GTPBP4: variants seen among roughly 807,000 people sequenced by gnomAD.
The protein encoded by GTPBP4 is GTP binding protein 4.
Under a neutral mutation model 81.7 loss-of-function variants are expected in GTPBP4, and 15 were observed. The ratio of observed to expected loss-of-function variants is 0.18; its 90% CI spans 0.12 to 0.28. The LOEUF (loss-of-function observed/expected upper bound fraction) is 0.28, where lower values mean the gene tolerates loss of function less well. GTPBP4 is among the 10% of genes least tolerant of loss of function. GTPBP4 has a pLI of 1.00. For missense variants in GTPBP4, 847 were observed against 793.8 expected (o/e 1.07, Z -0.81); for synonymous variants, 272 against 274.6 (o/e 0.99, Z 0.09).
chr10:997,019 G>A (rs2132158942), intron 4 of GTPBP4, 189 bp from the exon 5 acceptor site: 1 of 568,698 alleles, frequency 1.8e-6, no homozygotes, highest in Non-Finnish European at 3.1e-6. Context: ...AAACTTGGGA[G>A]ATAGCAATTG....
At position 1,015,988 on chromosome 10, in the gene GTPBP4, A is replaced by C. The variant is rs1429813568; in HGVS notation, c.1752+92A>C. The C allele has an allele frequency of 9.6e-6, 11 of 1,151,494 alleles. No individual in the cohort carries two copies. In the East Asian group the frequency reaches 2.6e-4, roughly 27 times the overall value. 71.3% of individuals were successfully genotyped at this position (1,151,494 alleles called of 1,614,324 possible). A position where few individuals can be genotyped will look rare whatever the true frequency, so the allele number is the denominator to read the frequency against. On this transcript the variant is annotated intron_variant, in intron 16 of 16. Transcript: ENST00000360803. Reference sequence around the variant, plus strand: ...GCAAACACCAGCAGTTGCCATTTGCAGGAACTATGGCAGGGGTTGTGTGTA... The same window carrying C: ...GCAAACACCAGCAGTTGCCATTTGCCGGAACTATGGCAGGGGTTGTGTGTA...
chr10:1,002,803 A>G (rs756550240), intron 8 of GTPBP4, among the ~76,000 whole-genome samples: 4 of 152,018 alleles, frequency 2.6e-5, no homozygotes, highest in Admixed American at 6.6e-5. Flanking sequence ...GGATTTTCTT[A>G]TATGTGACTT....
intron 13 of GTPBP4, among the ~76,000 whole-genome samples, chr10:1,011,733 A>G (rs1386209230): frequency 1.3e-5 from 2 of 152,212 alleles, no homozygotes; most frequent in Non-Finnish European, 2.9e-5. Flanking sequence ...GTGCTGGAGG[A>G]GTGGCCTCAG....
At chr10:1,014,529 T>G (rs1158481660) in intron 15 of GTPBP4, among the ~76,000 whole-genome samples, 1 of 151,908 alleles carries the variant, frequency 6.6e-6, no homozygotes, top group Non-Finnish European at 1.5e-5. Flanking sequence ...CGTGGTGGCG[T>G]GTGCCTGTAA....
Position 1,000,741 on chromosome 10 carries a change from C to G in GTPBP4, c.719C>G (p.Ala240Gly). 6.3e-7 allele frequency: 1 copy of G among 1,594,678 alleles called. No individual in the cohort carries two copies. Among genetic ancestry groups the G allele is most frequent in the Non-Finnish European group, 8.5e-7 (1 of 1,170,334 alleles). ...LEDRNTIEMQ[A>G]ITALAHLRAA... ...GATAGGAACACCATCGAGATGCAGG[C>G]CATCACTGCCCTGGCCCACCTCCGT... The change falls in exon 7 of 17, where the codon GCC (alanine) becomes GGC (glycine). Residue 240 changes from alanine (A) to glycine (G), a missense_variant. Ala to Gly is a moderately conservative substitution (Grantham distance 60). Transcript: ENST00000360803.
chr10:1,017,350 G>C lies in GTPBP4; in HGVS notation c.*123G>C, dbSNP rs989939152. ...AAAAGACAAAATAAGTAAAGCACTTGTTGCTTTGCTGAAAACTATGGTTAA... is the reference window on the plus strand; with the variant it reads ...AAAAGACAAAATAAGTAAAGCACTTCTTGCTTTGCTGAAAACTATGGTTAA... On this transcript the variant is annotated 3_prime_UTR_variant, in exon 17 of 17. Transcript: ENST00000360803. The C allele has an allele frequency of 3.3e-6, 3 of 921,012 alleles. No homozygotes were observed. The African/African-American group carries it at 4.9e-5, about 15-fold the overall frequency. 57.1% of individuals were successfully genotyped at this position (921,012 alleles called of 1,614,324 possible).
At chr10:993,397 T>G (rs1264162756) in intron 2 of GTPBP4, among the ~76,000 whole-genome samples, 2 of 152,124 alleles carry the variant, frequency 1.3e-5, no homozygotes, top group African/African-American at 2.4e-5. Context: ...GGATTACAGG[T>G]GCATAACCAC....
Position 1,012,658 on chromosome 10 carries a change from A to G in GTPBP4, c.1538A>G (p.Lys513Arg). 1 of 1,609,920 alleles carries G rather than the reference A, an allele frequency of 6.2e-7. No individual in the cohort carries two copies. The highest frequency in any genetic ancestry group is 1.1e-5 in the South Asian group (1 of 90,612). Residue 513 changes from lysine (K) to arginine (R), a missense_variant, in exon 14 of 17, where the codon AAG (lysine) becomes AGG (arginine). This residue lies in a region of GTPBP4 where 600 missense variants were observed against 557.1 expected (regional missense o/e 1.08). Transcript: ENST00000360803. The stretch of plus-strand genomic sequence containing the variant: ...GGACCCAGGATGCCGCGAACTGCTA[A>G]GAAGGCAAGTTTGTGTCTTTCCAAA... ...TQGPRMPRTA[K>R]KVQRTVLEKE...
At position 1,008,970 on chromosome 10, in the gene GTPBP4, T is replaced by C. The variant is rs750504358; in HGVS notation, c.1126T>C (p.Phe376Leu). 1.2e-6 allele frequency: 2 copies of C among 1,610,662 alleles called. No homozygotes were observed. The highest frequency in any genetic ancestry group is 8.5e-7 in the Non-Finnish European group (1 of 1,176,828). ...TRRDDKERPP[F>L]IPEGVVARRK... ...GGGATCTTCTCAGGAGAGGCCCCCTTTCATCCCTGAAGGAGTGGTGGCTCG... is the reference window on the plus strand; with the variant it reads ...GGGATCTTCTCAGGAGAGGCCCCCTCTCATCCCTGAAGGAGTGGTGGCTCG... The change falls in exon 11 of 17, where the codon TTC (phenylalanine) becomes CTC (leucine). Residue 376 changes from phenylalanine (F) to leucine (L), a missense_variant. Coordinates refer to ENST00000360803, the MANE Select transcript of GTPBP4 (RefSeq NM_012341.3).
At chr10:1,013,788 G>A (rs1831924142) in intron 14 of GTPBP4, among the ~76,000 whole-genome samples, 1 of 152,334 alleles carries the variant, frequency 6.6e-6, no homozygotes. Flanking sequence ...ATGCCTCTCA[G>A]TGGGTCTTCC....
At chr10:994,763 C>T (rs1831509136) in intron 2 of GTPBP4, among the ~76,000 whole-genome samples, 1 of 152,052 alleles carries the variant, frequency 6.6e-6, no homozygotes, top group South Asian at 2.1e-4. Flanking sequence ...TTTTTAAAGC[C>T]AGGACTAGTT....
At position 997,238 on chromosome 10, in the gene GTPBP4, T is replaced by C. The variant is rs1415840227; in HGVS notation, c.491T>C (p.Ile164Thr). Residue 164 changes from isoleucine (I) to threonine (T), a missense_variant, in exon 5 of 17, where the codon ATT becomes ACT. Transcript: ENST00000360803. ...CAGCATTTATCCCGTTTGCCAACCA[T>C]TGATCCGAATACCAGGACCCTGCTT... is the stretch of plus-strand genomic sequence containing the variant. The part of the protein sequence containing the change: ...VRQHLSRLPT[I>T]DPNTRTLLLC... The C allele has an allele frequency of 2.5e-6, 4 of 1,607,058 alleles. No individual in the cohort carries two copies. Among genetic ancestry groups the C allele is most frequent in the Non-Finnish European group, 3.4e-6 (4 of 1,173,604 alleles).
intron 11 of GTPBP4, 42 bp downstream of exon 11, chr10:1,009,077 G>C: frequency 6.9e-7 from 1 of 1,441,542 alleles, no homozygotes; most frequent in Non-Finnish European, 9.8e-7. Flanking sequence ...CATGGGGGGA[G>C]GCAGGCTGTG....
At chr10:1,010,256 G>A (rs946086755) in intron 12 of GTPBP4, among the ~76,000 whole-genome samples, 164 bp from the exon 13 acceptor site, 2 of 152,016 alleles carry the variant, frequency 1.3e-5, no homozygotes, top group Non-Finnish European at 2.9e-5. Flanking sequence ...TGTGGGTGTT[G>A]AATGAGGCTG....
rs556361780 is a variant in GTPBP4 at position 1,006,919 on chromosome 10, A to G, written c.1003-99A>G. The stretch of plus-strand genomic sequence containing the variant: ...CTACGTGTTAGTTACCTTGAGGGAA[A>G]AGGCTCAGTGGCTCTGATCTGTGGC... On this transcript the variant is annotated intron_variant, in intron 9 of 16. Coordinates refer to ENST00000360803, the MANE Select transcript of GTPBP4 (RefSeq NM_012341.3). 19 of 749,046 alleles carry G rather than the reference A, an allele frequency of 2.5e-5. No individual in the cohort carries two copies. The African/African-American group carries it at 3.2e-4, about 13-fold the overall frequency. The allele number at this position is 749,046 out of a possible 1,614,324, so 46.4% of individuals were successfully genotyped here. A position where few individuals can be genotyped will look rare whatever the true frequency, so the allele number is the denominator to read the frequency against.
At chr10:1,005,586 G>C (rs1831714394) in intron 8 of GTPBP4, among the ~76,000 whole-genome samples, 1 of 152,156 alleles carries the variant, frequency 6.6e-6, no homozygotes, top group African/African-American at 2.4e-5. Context: ...TTTGTTGTGG[G>C]GGACAGATGT....
At position 1,017,203 on chromosome 10, in the gene GTPBP4, A is replaced by T; in HGVS notation, c.1881A>T (p.Lys627Asn). ...AGCACTTGCTGTCTGGGAAGAGGAA[A>T]GCTGGTAAAAAGGACAGGAGATAGT... ...KPKHLLSGKR[K>N]AGKKDRR is the part of the protein sequence containing the mutation. The change falls in exon 17 of 17, where the codon AAA becomes AAT. Residue 627 changes from lysine to asparagine, a missense_variant. Lys to Asn is a moderately conservative substitution (Grantham distance 94, BLOSUM62 0). Transcript: ENST00000360803. 6.2e-7 allele frequency: 1 copy of T among 1,614,138 alleles called. No individual in the cohort carries two copies. Among genetic ancestry groups the T allele is most frequent in the Non-Finnish European group, 8.5e-7 (1 of 1,179,990 alleles).
chr10:1,007,765 C>A, intron 10 of GTPBP4: 1 of 399,474 alleles, frequency 2.5e-6, no homozygotes, highest in Non-Finnish European at 4.9e-6. Flanking sequence ...CTCTGTCTTT[C>A]CTTGTGTCCT....
In GTPBP4 at chr10:1,019,548, A is replaced by G. The variant is rs771153310; in HGVS notation, c.*2321A>G. The G allele has an allele frequency of 1.4e-5, 22 of 1,613,490 alleles. No homozygotes were observed. The highest frequency in any genetic ancestry group is 1.1e-4 in the South Asian group (10 of 91,058). On this transcript the variant is annotated 3_prime_UTR_variant, in exon 17 of 17. Coordinates refer to ENST00000360803, the MANE Select transcript of GTPBP4 (RefSeq NM_012341.3). Reference sequence around the variant, plus strand: ...TCTGTGTATTTTGTGAAGCTCCACAAACGGGGTCACGTCATCCAGGTGAGG... The same window carrying G: ...TCTGTGTATTTTGTGAAGCTCCACAGACGGGGTCACGTCATCCAGGTGAGG...
Sources: allele counts gnomAD v4.1 joint callset (sites outside exome capture counted in the v4.1 genomes callset), GRCh38; gene constraint gnomAD v4.1.1; regional missense constraint gnomAD v4.1.1; transcripts MANE v1.5; gene names NCBI Gene and HGNC (gene_info 2026-07-23, HGNC 2026-07-21).